VPS29: variants seen among roughly 807,000 people sequenced by gnomAD.
The protein encoded by VPS29 is vacuolar protein sorting-associated protein 29.
VPS29 carries 2 observed loss-of-function variants against 20.0 expected under a neutral mutation model. The observed-to-expected ratio is 0.10, with a 90% CI of 0.04 to 0.31. VPS29 has a LOEUF of 0.31. VPS29 is among the 10% of genes least tolerant of loss of function. VPS29 has a pLI of 1.00. For missense variants in VPS29, 120 were observed against 215.3 expected, an observed-to-expected ratio of 0.56 and a Z score of 2.77; for synonymous variants, 81 against 79.3, an observed-to-expected ratio of 1.02 and a Z score of -0.12.
chr12:110,494,502 C>T (rs1019071975), intron 2 of VPS29, among the ~76,000 whole-genome samples: 1 of 151,958 alleles, frequency 6.6e-6, no homozygotes, highest in African/African-American at 2.4e-5. Flanking sequence ...GATCCACCTG[C>T]CTCGGCCTCC....
In VPS29 at chr12:110,502,079, A is replaced by G. The variant is rs376611933; in HGVS notation, c.-28T>C. 2.5e-6 allele frequency: 4 copies of G among 1,607,980 alleles called. No homozygotes were observed. Among genetic ancestry groups the G allele is most frequent in the African/African-American group, 2.7e-5 (2 of 74,712 alleles). On this transcript the variant is annotated 5_prime_UTR_variant, in exon 1 of 4. Coordinates refer to ENST00000549578, the MANE Select transcript of VPS29 (RefSeq NM_016226.5). ...TGTCACCGGGCTCCGCTCAGTCACCACCACCGTCGCCGCCCTCTTCCTCAG... is the reference window on the plus strand; with the variant it reads ...TGTCACCGGGCTCCGCTCAGTCACCGCCACCGTCGCCGCCCTCTTCCTCAG...
rs71083128 is a variant in VPS29, at chr12:110,497,207, C to CTTTTT, written c.4-1009_4-1005dup. Among the ~76,000 whole-genome samples the CTTTTT allele has an allele frequency of 2.9e-3, 225 of 77,220 alleles. 2 individuals are homozygous for CTTTTT. Among genetic ancestry groups the CTTTTT allele is most frequent in the Middle Eastern group, 0.014 (1 of 70 alleles). 50.7% of individuals were successfully genotyped at this position (77,220 alleles called of 152,430 possible). A position where few individuals can be genotyped will look rare whatever the true frequency, so the allele number is the denominator to read the frequency against. The stretch of plus-strand genomic sequence containing the variant: ...AAAATTTTAATTTAAAAATTTCTTT[C>CTTTTT]TTTTTTTTTTTTTTTTTTTTTTTTT... On this transcript the variant is annotated intron_variant, in intron 1 of 3. Transcript: ENST00000549578.
rs2062900422 is a variant in VPS29 at position 110,495,993 on chromosome 12, G to A, written c.195+19C>T. The A allele has an allele frequency of 1.3e-6, 2 of 1,494,018 alleles. No individual in the cohort carries two copies. Among genetic ancestry groups the A allele is most frequent in the Non-Finnish European group, 1.8e-6 (2 of 1,104,106 alleles). The allele number at this position is 1,494,018 out of a possible 1,614,324, so 92.5% of individuals were successfully genotyped here. ...TCAAGAAAGGGAGATATTTGAGAAG[G>A]GAAAGGGAAATACATCACCTCATCG... On this transcript the variant is annotated intron_variant, in intron 2 of 3. Transcript: ENST00000549578.
At chr12:110,498,504 G>A (rs117197655) in intron 1 of VPS29, among the ~76,000 whole-genome samples, 2,961 of 152,204 alleles carry the variant, frequency 0.019, 41 homozygotes, top group Middle Eastern at 0.082. Context: ...CAAAATGTAT[G>A]AAATTAAAAT....
intron 1 of VPS29, among the ~76,000 whole-genome samples, chr12:110,499,803 ATT>A (rs1400202261): frequency 6.6e-6 from 1 of 152,160 alleles, no homozygotes; most frequent in East Asian, 1.9e-4. Context: ...TTTTTAATAA[ATT>A]TGTCTTGTCA....
At chr12:110,496,529 A>G (rs7304358) in intron 1 of VPS29, 95 of 181,782 alleles carry the variant, frequency 5.2e-4, no homozygotes, top group African/African-American at 2.1e-3. Flanking sequence ...TAATCATTCT[A>G]TTTACCAAGA....
chr12:110,492,763 A>G (rs2062838543), intron 3 of VPS29, among the ~76,000 whole-genome samples: 1 of 151,814 alleles, frequency 6.6e-6, no homozygotes, highest in South Asian at 2.1e-4. Context: ...CTGGGATCAC[A>G]GGCATGCACC....
intron 3 of VPS29, 43 bp from the exon 4 acceptor site, chr12:110,492,165 G>A: frequency 1.4e-6 from 2 of 1,396,738 alleles, no homozygotes; most frequent in Non-Finnish European, 2.0e-6. Context: ...GTAGCACAAA[G>A]CAGCAGCACT....
rs758154093 is a variant in VPS29 at position 110,495,324 on chromosome 12, G to C, written c.195+688C>G. 4.6e-5 allele frequency among the ~76,000 whole-genome samples: 7 copies of C among 152,212 alleles called. No homozygotes were observed. In the East Asian group the frequency reaches 5.8e-4, roughly 13 times the overall value. ...TGGAGAATAAACTGGAAGGAGCAAG[G>C]GTAGAATTAGGAAGTTGGAATACAA... On this transcript the variant is annotated intron_variant, in intron 2 of 3. Transcript: ENST00000549578.
chr12:110,496,400 G>A, intron 1 of VPS29, 197 bp from the exon 2 acceptor site: 2 of 466,194 alleles, frequency 4.3e-6, no homozygotes, highest in South Asian at 9.8e-5. Flanking sequence ...CATCAGCTTT[G>A]GGATAGGTTT....
chr12:110,495,433 G>C (rs1472901967), intron 2 of VPS29, among the ~76,000 whole-genome samples: 1 of 152,188 alleles, frequency 6.6e-6, no homozygotes, highest in African/African-American at 2.4e-5. Context: ...AAACTTGGCT[G>C]AGTGTGGTGG....
At position 110,496,042 on chromosome 12, in the gene VPS29, A is replaced by G. The variant is rs1206902451; in HGVS notation, c.165T>C (p.Asp55=). 1 of 1,599,280 alleles carries G rather than the reference A, an allele frequency of 6.3e-7. No homozygotes were observed. Among genetic ancestry groups the G allele is most frequent in the East Asian group, 2.2e-5 (1 of 44,580 alleles). ...CGAAGTCTCCTCTCACAATATGAACATCACCAGCCAGAGTCTTGAGATAGT... is the reference window on the plus strand; with the variant it reads ...CGAAGTCTCCTCTCACAATATGAACGTCACCAGCCAGAGTCTTGAGATAGT... ...SYDYLKTLAG[D]VHIVRGDFDE... is the part of the protein sequence containing the mutation. Residue 55 remains aspartate (D), a synonymous_variant, in exon 2 of 4, where the codon GAT becomes GAC. Coordinates refer to ENST00000549578, the MANE Select transcript of VPS29 (RefSeq NM_016226.5).
rs1238338413 is a variant in VPS29 at position 110,491,302 on chromosome 12, TC to T, written c.*702del. ...CATGTTGGCCAGGCTGGTCTTGAAC[TC>T]CTGACCTCAGGTGATCCACCTGCCT... On this transcript the variant is annotated 3_prime_UTR_variant, in exon 4 of 4. Transcript: ENST00000549578. 1 of 152,314 alleles carries T rather than the reference TC, an allele frequency of 6.6e-6. No individual in the cohort carries two copies. Among genetic ancestry groups the T allele is most frequent in the East Asian group, 1.9e-4 (1 of 5,206 alleles). The allele number at this position is 152,314 out of a possible 1,614,324, so 9.4% of individuals were successfully genotyped here.
rs1565859042 is a variant in VPS29, at chr12:110,493,361, C to CT, written c.196-131_196-130insA. The CT allele has an allele frequency of 3.8e-4, 213 of 566,786 alleles. No homozygotes were observed. In the African/African-American group the frequency reaches 4.5e-3, roughly 12 times the overall value. The allele number at this position is 566,786 out of a possible 1,614,324, so 35.1% of individuals were successfully genotyped here. A position where few individuals can be genotyped will look rare whatever the true frequency, so the allele number is the denominator to read the frequency against. ...GTACCCCACAACACACACATTTATA[C>CT]ATTTTTTTTTTTTTTTGAGACAGAG... is the stretch of plus-strand genomic sequence containing the variant. On this transcript the variant is annotated intron_variant, in intron 2 of 3. Coordinates refer to ENST00000549578, the MANE Select transcript of VPS29 (RefSeq NM_016226.5).
chr12:110,496,907 T>C (rs2135584311), intron 1 of VPS29: 1 of 152,340 alleles, frequency 6.6e-6, no homozygotes, highest in East Asian at 1.9e-4. Flanking sequence ...TTATAATCTT[T>C]GATATCTTCA....
At chr12:110,495,622 G>A (rs1053424823) in intron 2 of VPS29, among the ~76,000 whole-genome samples, 9 of 152,166 alleles carry the variant, frequency 5.9e-5, no homozygotes, top group Middle Eastern at 6.8e-3. Flanking sequence ...CAGGAGAATC[G>A]GTTGAACCTG....
At chr12:110,492,880 G>C (rs141732041) in intron 3 of VPS29, 116 bp downstream of exon 3, 3 of 917,084 alleles carry the variant, frequency 3.3e-6, no homozygotes, top group Non-Finnish European at 4.9e-6. Flanking sequence ...CTGGTCTCCC[G>C]AAGTGCTGGT....
At chr12:110,501,810 C>G in intron 1 of VPS29, 1 of 1,160,242 alleles carries the variant, frequency 8.6e-7, no homozygotes, top group Non-Finnish European at 1.2e-6. Flanking sequence ...CTTTTTACCC[C>G]TTGGATGGCC....
chr12:110,496,411 C>T, intron 1 of VPS29: 1 of 443,292 alleles, frequency 2.3e-6, no homozygotes, highest in Non-Finnish European at 4.0e-6. Flanking sequence ...GGATAGGTTT[C>T]ATCATTGATT....
Sources: gnomAD v4.1 joint callset for allele counts (sites outside exome capture counted in the v4.1 genomes callset) on GRCh38, gnomAD v4.1.1 for gene constraint, MANE v1.5 for transcripts, NCBI Gene and HGNC (gene_info 2026-07-23, HGNC 2026-07-21) for gene names.